The following FOXP1 variants were observed in gnomAD, a reference collection of about 807,000 sequenced individuals.
FOXP1 encodes forkhead box P1, also known as forkhead box protein P1.
FOXP1 carries 15 observed loss-of-function variants against 98.2 expected under a neutral mutation model. The ratio of observed to expected loss-of-function variants is 0.15; its 90% CI spans 0.10 to 0.24. The LOEUF (loss-of-function observed/expected upper bound fraction) is 0.24, where lower values mean the gene tolerates loss of function less well. FOXP1 is among the 10% of genes least tolerant of loss of function. The pLI is 1.00. For synonymous variants in FOXP1, 371 were observed against 314.5 expected, an observed-to-expected ratio of 1.18 and a Z score of -1.90; for missense variants, 633 against 848.5, an observed-to-expected ratio of 0.75 and a Z score of 3.15.
intron 3 of FOXP1, among the ~76,000 whole-genome samples, chr3:71,386,669 G>A (rs6780049): frequency 0.41 from 61,434 of 149,926 alleles, 13,630 homozygotes; most frequent in Non-Finnish European, 0.5. Flanking sequence ...CCTGAACCCG[G>A]GAGGCAGAGG....
intron 1 of FOXP1, 79 bp downstream of exon 1, chr3:71,583,492 T>C: frequency 4.1e-6 from 4 of 981,716 alleles, no homozygotes; most frequent in Non-Finnish European, 4.8e-6. Context: ...CTGGTTGTTG[T>C]TGTTGTTTAA....
In FOXP1 at chr3:70,956,415, CTTTT is replaced by C. The variant is rs112098084; in HGVS notation, c.*2828_*2831del. 1.2e-3 allele frequency: 232 copies of C among 185,966 alleles called. No individual in the cohort carries two copies. Among genetic ancestry groups the C allele is most frequent in the Middle Eastern group, 4.7e-3 (3 of 642 alleles). The allele number at this position is 185,966 out of a possible 1,614,324, so 11.5% of individuals were successfully genotyped here. A position where few individuals can be genotyped will look rare whatever the true frequency, so the allele number is the denominator to read the frequency against. The stretch of plus-strand genomic sequence containing the variant: ...CAAAGATATGTAAAATCTAATTTTT[CTTTT>C]TTTTTTTTTTTTGCTACAGTCTTTA... On this transcript the variant is annotated 3_prime_UTR_variant, in exon 21 of 21. Coordinates refer to ENST00000649528, the MANE Select transcript of FOXP1 (RefSeq NM_001349338.3).
chr3:71,582,735 G>C, intron 1 of FOXP1: 4 of 985,380 alleles, frequency 4.1e-6, no homozygotes, highest in Non-Finnish European at 4.8e-6. Context: ...GACTCGTCTC[G>C]GGAAAGCGGA....
chr3:71,565,283 G>A (rs549804344), intron 2 of FOXP1, among the ~76,000 whole-genome samples: 8 of 152,268 alleles, frequency 5.3e-5, no homozygotes, highest in African/African-American at 1.9e-4. Context: ...GCCTTCTATA[G>A]GGATACCAGG....
At chr3:71,386,741 C>CAAAAA (rs5850010) in intron 3 of FOXP1, among the ~76,000 whole-genome samples, 13 of 90,870 alleles carry the variant, frequency 1.4e-4, no homozygotes, top group African/African-American at 2.4e-4. Flanking sequence ...GATTCCGTCT[C>CAAAAA]AAAAAAAAAA....
intron 5 of FOXP1, among the ~76,000 whole-genome samples, chr3:71,266,138 C>T (rs772759469): frequency 2.0e-5 from 3 of 152,094 alleles, no homozygotes; most frequent in Non-Finnish European, 4.4e-5. Context: ...AAAGAGAGTA[C>T]ATAGGTGTCT....
chr3:71,147,401 C>T (rs1344647436), intron 6 of FOXP1, among the ~76,000 whole-genome samples: 1 of 152,148 alleles, frequency 6.6e-6, no homozygotes, highest in African/African-American at 2.4e-5. Context: ...CTGCTCCAGC[C>T]ATCTTCATGA....
intron 5 of FOXP1, chr3:71,245,213 G>C (rs2067637229): frequency 6.6e-6 from 1 of 152,210 alleles, no homozygotes; most frequent in African/African-American, 2.4e-5. Context: ...TCAACCCCTG[G>C]CTTGGCCTCC....
intron 12 of FOXP1, among the ~76,000 whole-genome samples, chr3:71,014,795 G>A (rs1185069408): frequency 1.3e-5 from 2 of 152,164 alleles, no homozygotes; most frequent in African/African-American, 4.8e-5. Flanking sequence ...TATACACCAT[G>A]GAATACTATG....
intron 6 of FOXP1, among the ~76,000 whole-genome samples, chr3:71,150,785 T>C (rs1398561259): frequency 2.0e-5 from 3 of 152,052 alleles, no homozygotes; most frequent in African/African-American, 7.2e-5. Context: ...TCGCTTGTAA[T>C]AGAGTTTTCC....
At chr3:71,287,870 C>T (rs2072320820) in intron 5 of FOXP1, among the ~76,000 whole-genome samples, 1 of 151,620 alleles carries the variant, frequency 6.6e-6, no homozygotes, top group African/African-American at 2.4e-5. Context: ...ATTTTTCTCA[C>T]TACTTCTTCT....
chr3:71,006,468 A>T (rs763398075), intron 12 of FOXP1, among the ~76,000 whole-genome samples: 1 of 152,146 alleles, frequency 6.6e-6, no homozygotes, highest in South Asian at 2.1e-4. Flanking sequence ...ACGTTTATGA[A>T]GTACCAGCAA....
At position 70,955,832 on chromosome 3, in the gene FOXP1, G is replaced by GCACA. The variant is rs143202281; in HGVS notation, c.*3411_*3414dup. ...AACAGATTAACACACACGCACGCGC[G>GCACA]CACACACACACACACACACACACAA... On this transcript the variant is annotated 3_prime_UTR_variant, in exon 21 of 21. Transcript: ENST00000649528. 3,363 of 221,522 alleles carry GCACA rather than the reference G, an allele frequency of 0.015. 100 individuals are homozygous for GCACA. The highest frequency in any genetic ancestry group is 0.065 in the African/African-American group (2,867 of 44,126). The allele number at this position is 221,522 out of a possible 1,614,324, so 13.7% of individuals were successfully genotyped here.
intron 2 of FOXP1, among the ~76,000 whole-genome samples, chr3:71,569,692 G>A (rs1290823245): frequency 1.3e-5 from 2 of 151,894 alleles, no homozygotes; most frequent in Non-Finnish European, 1.5e-5. Context: ...TGCCAACGTA[G>A]GTATCTACAT....
intron 6 of FOXP1, among the ~76,000 whole-genome samples, chr3:71,185,346 C>T (rs1436326128): frequency 6.6e-6 from 1 of 152,090 alleles, no homozygotes; most frequent in Non-Finnish European, 1.5e-5. Flanking sequence ...AGGGCAACAC[C>T]ATCTCTTCAG....
intron 12 of FOXP1, among the ~76,000 whole-genome samples, chr3:71,008,661 C>G (rs1167197035): frequency 6.6e-6 from 1 of 152,122 alleles, no homozygotes; most frequent in African/African-American, 2.4e-5. Context: ...GACTGGGTAT[C>G]TGCTGATTCT....
chr3:71,138,551 A>C (rs2059926160), intron 6 of FOXP1, among the ~76,000 whole-genome samples: 1 of 152,214 alleles, frequency 6.6e-6, no homozygotes, highest in South Asian at 2.1e-4. Context: ...TCAAACATGT[A>C]ATTAAGAAAG....
Position 70,979,316 on chromosome 3 carries a change from A to AG in FOXP1, c.1147-1288_1147-1287insC, listed in dbSNP as rs2038330219. Among the ~76,000 whole-genome samples the AG allele has an allele frequency of 1.1e-4, 11 of 96,506 alleles. 1 individual carries two copies. The highest frequency in any genetic ancestry group is 7.3e-4 in the South Asian group (2 of 2,740). 63.3% of individuals were successfully genotyped at this position (96,506 alleles called of 152,430 possible). ...AAAAAAAAAAAAAAAAAAAAAAAAA[A>AG]AAAAGAAAAAAATAAATTAATGAGC... On this transcript the variant is annotated intron_variant, in intron 14 of 20. Coordinates refer to ENST00000649528, the MANE Select transcript of FOXP1 (RefSeq NM_001349338.3).
At chr3:71,454,706 A>T (rs576673556) in intron 3 of FOXP1, among the ~76,000 whole-genome samples, 13 of 152,058 alleles carry the variant, frequency 8.5e-5, no homozygotes, top group Non-Finnish European at 1.5e-5. Flanking sequence ...TGATGGGGAG[A>T]TGGTAGCGAA....
Sources: gnomAD v4.1 joint callset for allele counts (sites outside exome capture counted in the v4.1 genomes callset) on GRCh38, gnomAD v4.1.1 for gene constraint, MANE v1.5 for transcripts, NCBI Gene and HGNC (gene_info 2026-07-23, HGNC 2026-07-21) for gene names.